Variants in PPARGC1A observed in about 807,000 individuals in gnomAD.
PPARGC1A encodes PPARG coactivator 1 alpha.
A neutral mutation model predicts 88.7 loss-of-function variants in PPARGC1A; 25 were observed. That is an observed-to-expected ratio of 0.28 (90% CI 0.21 to 0.39). The LOEUF is 0.39. Among genes scored for constraint, PPARGC1A ranks in the 10% least tolerant of loss-of-function variants. The pLI is 1.00. For synonymous variants in PPARGC1A, 363 were observed against 355.6 expected, an observed-to-expected ratio of 1.02 and a Z score of -0.24; for missense variants, 880 against 968.7, an observed-to-expected ratio of 0.91 and a Z score of 1.22.
chr4:24,215,965 G>A, the PPARGC1A span, among the ~76,000 whole-genome samples: 1 of 152,180 alleles, frequency 6.6e-6, no homozygotes, highest in East Asian at 1.9e-4. Context: ...GGAGCTAGGT[G>A]GATAGAATGA....
the PPARGC1A span, among the ~76,000 whole-genome samples, chr4:24,161,910 C>T: frequency 1.3e-5 from 2 of 150,200 alleles, no homozygotes; most frequent in Admixed American, 1.3e-4. Flanking sequence ...TGCAAAAATA[C>T]GGAACCAGCC....
At chr4:24,355,192 C>A in the PPARGC1A span, among the ~76,000 whole-genome samples, 4 of 152,256 alleles carry the variant, frequency 2.6e-5, no homozygotes, top group East Asian at 7.7e-4. Context: ...AGGAACCAAA[C>A]CGATTTTAAA....
the PPARGC1A span, among the ~76,000 whole-genome samples, chr4:24,198,175 A>T: frequency 6.6e-6 from 1 of 152,218 alleles, no homozygotes; most frequent in Non-Finnish European, 1.5e-5. Context: ...GTAATTCAAC[A>T]CTGTCTCATG....
chr4:24,380,395 G>A, the PPARGC1A span, among the ~76,000 whole-genome samples: 442 of 152,264 alleles, frequency 2.9e-3, no homozygotes, highest in Non-Finnish European at 5.4e-3. Context: ...CAAAGAATAC[G>A]ATCAGGAATC....
the PPARGC1A span, among the ~76,000 whole-genome samples, chr4:24,296,917 T>C: frequency 6.6e-6 from 1 of 151,904 alleles, no homozygotes. Context: ...ACCTTTCAAA[T>C]CAGCACAACA....
At chr4:24,265,361 G>A in the PPARGC1A span, among the ~76,000 whole-genome samples, 13 of 152,042 alleles carry the variant, frequency 8.6e-5, no homozygotes, top group African/African-American at 1.7e-4. Flanking sequence ...GGGAAATGTC[G>A]GCAACATCTG....
the PPARGC1A span, among the ~76,000 whole-genome samples, chr4:24,264,993 T>C: frequency 3.9e-5 from 6 of 152,130 alleles, no homozygotes; most frequent in African/African-American, 1.4e-4. Context: ...ACATCACATA[T>C]CTCCAAGAAC....
chr4:24,217,407 G>A, the PPARGC1A span, among the ~76,000 whole-genome samples: 108 of 152,322 alleles, frequency 7.1e-4, no homozygotes, highest in Admixed American at 1.7e-3. Context: ...GTGAATTGGA[G>A]GTGTCTAGTT....
At chr4:24,468,326 T>G in the PPARGC1A span, among the ~76,000 whole-genome samples, 1 of 152,256 alleles carries the variant, frequency 6.6e-6, no homozygotes. Flanking sequence ...AAGAATGGTC[T>G]GCTGTCTGCT....
At chr4:23,860,234 T>G (rs1731000029) in intron 2 of PPARGC1A, among the ~76,000 whole-genome samples, 1 of 142,154 alleles carries the variant, frequency 7.0e-6, no homozygotes, top group African/African-American at 2.6e-5. Context: ...ATCACATCAC[T>G]GCACCCAGCC....
intron 1 of PPARGC1A, among the ~76,000 whole-genome samples, chr4:23,898,875 G>A (rs1354853741): frequency 7.9e-6 from 1 of 126,260 alleles, no homozygotes; most frequent in Non-Finnish European, 1.6e-5. Context: ...TTGCTTTTTT[G>A]CCCAGGCTGG....
chr4:23,970,144 A>G, the PPARGC1A span, among the ~76,000 whole-genome samples: 3 of 152,308 alleles, frequency 2.0e-5, no homozygotes, highest in South Asian at 2.1e-4. Flanking sequence ...TTTACTAGCT[A>G]TGCTTTACCT....
At chr4:24,397,307 C>T in the PPARGC1A span, among the ~76,000 whole-genome samples, 2 of 152,108 alleles carry the variant, frequency 1.3e-5, no homozygotes, top group Non-Finnish European at 2.9e-5. Flanking sequence ...TAGAAGAATA[C>T]ATTAAAAGTC....
At chr4:24,180,833 C>T in the PPARGC1A span, among the ~76,000 whole-genome samples, 5 of 152,156 alleles carry the variant, frequency 3.3e-5, no homozygotes, top group African/African-American at 1.2e-4. Flanking sequence ...TGTGCAAAGG[C>T]TGTTGGACTA....
At chr4:24,337,495 C>T in the PPARGC1A span, among the ~76,000 whole-genome samples, 1 of 152,096 alleles carries the variant, frequency 6.6e-6, no homozygotes, top group South Asian at 2.1e-4. Context: ...GGTGGGGCGA[C>T]CAGAGCTCAT....
the PPARGC1A span, among the ~76,000 whole-genome samples, chr4:24,102,069 T>C: frequency 1.3e-5 from 2 of 152,132 alleles, no homozygotes; most frequent in African/African-American, 4.8e-5. Context: ...ATCCATCCAA[T>C]CCCAACCCCC....
At chr4:24,190,871 C>T in the PPARGC1A span, among the ~76,000 whole-genome samples, 1 of 152,198 alleles carries the variant, frequency 6.6e-6, no homozygotes, top group Admixed American at 6.5e-5. Flanking sequence ...ACAGCTGCAG[C>T]CCCTCAAGAG....
At chr4:23,851,105 G>A (rs1022846081) in intron 2 of PPARGC1A, among the ~76,000 whole-genome samples, 2 of 152,070 alleles carry the variant, frequency 1.3e-5, no homozygotes, top group East Asian at 3.9e-4. Flanking sequence ...AACCACTAAT[G>A]GACTTATCCA....
the PPARGC1A span, among the ~76,000 whole-genome samples, chr4:24,322,466 A>G: frequency 6.6e-6 from 1 of 152,188 alleles, no homozygotes; most frequent in Non-Finnish European, 1.5e-5. Flanking sequence ...AGTTGTTTCT[A>G]TATGTCATTT....
Sources: gnomAD v4.1 joint callset for allele counts (sites outside exome capture counted in the v4.1 genomes callset) on GRCh38, gnomAD v4.1.1 for gene constraint, MANE v1.5 for transcripts, NCBI Gene and HGNC (gene_info 2026-07-23, HGNC 2026-07-21) for gene names.